Variants in MEMO1 observed in about 807,000 individuals in gnomAD.
The protein encoded by MEMO1 is mediator of cell motility 1.
Under a neutral mutation model 45.2 loss-of-function variants are expected in MEMO1, and 6 were observed. The observed-to-expected ratio is 0.13, with a 90% CI of 0.07 to 0.26. MEMO1 has a LOEUF of 0.26. MEMO1 is among the 10% of genes least tolerant of loss of function. The pLI is 1.00. For missense variants in MEMO1, 184 were observed against 370.5 expected (o/e 0.50, Z 4.13); for synonymous variants, 78 against 124.3 (o/e 0.63, Z 2.48).
chr2:31,890,882 C>T (rs1283136840), intron 7 of MEMO1, among the ~76,000 whole-genome samples: 1 of 152,148 alleles, frequency 6.6e-6, no homozygotes, highest in East Asian at 1.9e-4. Flanking sequence ...TATCAAATGC[C>T]CCTGAGAGTA....
At chr2:32,004,817 C>T (rs1185958258) in intron 2 of MEMO1, among the ~76,000 whole-genome samples, 1 of 151,846 alleles carries the variant, frequency 6.6e-6, no homozygotes, top group Non-Finnish European at 1.5e-5. Flanking sequence ...ATCCCAGCTA[C>T]TCGGGATGCT....
intron 4 of MEMO1, among the ~76,000 whole-genome samples, chr2:31,923,343 C>T (rs1682613501): frequency 6.6e-6 from 1 of 151,994 alleles, no homozygotes; most frequent in African/African-American, 2.4e-5. Flanking sequence ...ATTTAAGTTC[C>T]TTATAGACGA....
At chr2:31,946,417 T>C (rs751987635) in intron 2 of MEMO1, among the ~76,000 whole-genome samples, 6 of 152,174 alleles carry the variant, frequency 3.9e-5, no homozygotes, top group Admixed American at 6.5e-5. Flanking sequence ...GATTAAACAA[T>C]GGTGTTCATC....
intron 6 of MEMO1, among the ~76,000 whole-genome samples, chr2:31,902,985 A>G (rs1338980787): frequency 1.3e-5 from 2 of 152,156 alleles, no homozygotes; most frequent in Non-Finnish European, 2.9e-5. Context: ...AGAAAACATT[A>G]TAATTTAATT....
At chr2:31,958,763 T>C (rs1281509586) in intron 2 of MEMO1, among the ~76,000 whole-genome samples, 2 of 152,302 alleles carry the variant, frequency 1.3e-5, no homozygotes, top group South Asian at 2.1e-4. Context: ...GCCATCCTTC[T>C]ACCTCAGCCT....
chr2:31,944,252 C>T (rs1665945322), intron 2 of MEMO1, among the ~76,000 whole-genome samples: 1 of 152,142 alleles, frequency 6.6e-6, no homozygotes, highest in Non-Finnish European at 1.5e-5. Context: ...ATCACATTAA[C>T]GTAGTGAATC....
intron 2 of MEMO1, among the ~76,000 whole-genome samples, chr2:31,947,684 T>A (rs1291584392): frequency 6.6e-6 from 1 of 152,172 alleles, no homozygotes; most frequent in Non-Finnish European, 1.5e-5. Flanking sequence ...CTGAGGTATC[T>A]CCTCAAGAAA....
At chr2:31,913,527 T>TA (rs2148128677) in intron 6 of MEMO1, among the ~76,000 whole-genome samples, 1 of 151,944 alleles carries the variant, frequency 6.6e-6, no homozygotes, top group African/African-American at 2.4e-5. Context: ...GTTTTTTTTT[T>TA]TTTTTATTTT....
intron 2 of MEMO1, among the ~76,000 whole-genome samples, chr2:31,988,949 G>A (rs1303176840): frequency 6.6e-6 from 1 of 152,170 alleles, no homozygotes; most frequent in African/African-American, 2.4e-5. Context: ...GCTCACGCCT[G>A]TAATCCCAGC....
chr2:31,924,196 T>C (rs939132408), intron 4 of MEMO1, among the ~76,000 whole-genome samples: 2 of 152,144 alleles, frequency 1.3e-5, no homozygotes, highest in African/African-American at 4.8e-5. Flanking sequence ...CCAGCCGTAA[T>C]CTCAAAATGG....
chr2:31,892,311 G>A (rs867918484), intron 6 of MEMO1, among the ~76,000 whole-genome samples, 177 bp from the exon 7 acceptor site: 3 of 151,976 alleles, frequency 2.0e-5, no homozygotes, highest in African/African-American at 4.8e-5. Flanking sequence ...ACAAGGGTAC[G>A]ATTAAAAATA....
chr2:32,005,259 G>T (rs761091972), intron 2 of MEMO1, among the ~76,000 whole-genome samples: 2 of 147,132 alleles, frequency 1.4e-5, no homozygotes, highest in African/African-American at 2.5e-5. Context: ...AGTTGAGGCT[G>T]CAGTGAGCTA....
chr2:31,965,507 G>T (rs187544253), intron 2 of MEMO1, among the ~76,000 whole-genome samples: 1 of 152,092 alleles, frequency 6.6e-6, no homozygotes, highest in Admixed American at 6.6e-5. Flanking sequence ...CAATTTTAGA[G>T]TTGGAAAGAA....
intron 8 of MEMO1, among the ~76,000 whole-genome samples, chr2:31,882,448 T>G (rs1273583320): frequency 6.6e-6 from 1 of 152,172 alleles, no homozygotes; most frequent in African/African-American, 2.4e-5. Flanking sequence ...ATATCAATGA[T>G]GTGAGTTTAT....
chr2:31,924,563 G>C (rs968286772), intron 4 of MEMO1, among the ~76,000 whole-genome samples: 6 of 152,178 alleles, frequency 3.9e-5, no homozygotes, highest in South Asian at 4.1e-4. Context: ...ATTCACATTT[G>C]CAATGATAGT....
chr2:31,907,755 TG>T (rs1679973536), intron 6 of MEMO1, among the ~76,000 whole-genome samples: 1 of 151,106 alleles, frequency 6.6e-6, no homozygotes, highest in African/African-American at 2.4e-5. Flanking sequence ...ATCACATCAC[TG>T]TACTCCAGCA....
chr2:31,933,670 T>G (rs185786549), intron 3 of MEMO1, among the ~76,000 whole-genome samples: 1 of 151,882 alleles, frequency 6.6e-6, no homozygotes, highest in African/African-American at 2.4e-5. Flanking sequence ...TACAAGATAG[T>G]AGTGGCGTTT....
At chr2:31,923,045 G>A (rs1016000123) in intron 4 of MEMO1, among the ~76,000 whole-genome samples, 1 of 151,966 alleles carries the variant, frequency 6.6e-6, no homozygotes, top group Non-Finnish European at 1.5e-5. Context: ...TTGAGAAATC[G>A]CCACACTGTT....
intron 4 of MEMO1, among the ~76,000 whole-genome samples, chr2:31,922,794 A>G (rs1370678361): frequency 1.3e-5 from 2 of 151,814 alleles, no homozygotes; most frequent in Non-Finnish European, 2.9e-5. Flanking sequence ...GCTGCAAGTG[A>G]TATGATCTCA....
Sources: allele counts gnomAD v4.1 joint callset (sites outside exome capture counted in the v4.1 genomes callset), GRCh38; gene constraint gnomAD v4.1.1; transcripts MANE v1.5; gene names NCBI Gene and HGNC (gene_info 2026-07-23, HGNC 2026-07-21).